Variants in SLC24A2 observed in about 807,000 individuals in gnomAD.
SLC24A2 encodes the protein sodium/potassium/calcium exchanger 2.
A neutral mutation model predicts 62.0 loss-of-function variants in SLC24A2; 36 were observed. That is an observed-to-expected ratio of 0.58 (90% confidence interval 0.44 to 0.77). The LOEUF is 0.77. Ranked by LOEUF, SLC24A2 falls within the 30% of genes least tolerant of loss-of-function variation. The pLI, the probability that SLC24A2 is intolerant of heterozygous loss-of-function variation, is 0.00. For synonymous variants in SLC24A2, 358 were observed against 294.0 expected, an observed-to-expected ratio of 1.22 and a Z score of -2.23; for missense variants, 846 against 817.9, an observed-to-expected ratio of 1.03 and a Z score of -0.42.
At position 19,512,017 on chromosome 9, in the gene SLC24A2, C is replaced by G. The variant is rs1283296324; in HGVS notation, c.*4136G>C. ...AATGCAACTTCCATCTTCTTCAGCT[C>G]TATCTGGCCAGCCACTCTACCAGGT... On this transcript the variant is annotated 3_prime_UTR_variant, in exon 11 of 11. Coordinates refer to ENST00000341998, the MANE Select transcript of SLC24A2 (RefSeq NM_020344.4). 1 of 152,284 alleles carries G rather than the reference C, an allele frequency of 6.6e-6. No individual in the cohort carries two copies. Among genetic ancestry groups the G allele is most frequent in the Non-Finnish European group, 1.5e-5 (1 of 68,106 alleles). The allele number at this position is 152,284 out of a possible 1,614,324, so 9.4% of individuals were successfully genotyped here.
At chr9:19,838,897 A>C in the SLC24A2 span, among the ~76,000 whole-genome samples, 1 of 152,174 alleles carries the variant, frequency 6.6e-6, no homozygotes, top group Admixed American at 6.5e-5. Flanking sequence ...AATGAGATCT[A>C]ATTAAACTAA....
At chr9:20,051,657 C>CTCTTTTTTTTTTTTTTTTTTTTTTTTTT in the SLC24A2 span, among the ~76,000 whole-genome samples, 38 of 73,498 alleles carry the variant, frequency 5.2e-4, 1 homozygote, top group Admixed American at 1.4e-3. Context: ...TTTTCTTTCT[C>CTCTTTTTTTTTTTTTTTTTTTTTTTTTT]TTTTTTTTTT....
At chr9:19,819,446 A>G in the SLC24A2 span, among the ~76,000 whole-genome samples, 1 of 152,142 alleles carries the variant, frequency 6.6e-6, no homozygotes, top group Middle Eastern at 3.2e-3. Flanking sequence ...CACAATCTAT[A>G]CATCTGACAA....
At chr9:19,860,546 T>C in the SLC24A2 span, among the ~76,000 whole-genome samples, 47 of 152,262 alleles carry the variant, frequency 3.1e-4, 1 homozygote, top group Non-Finnish European at 5.0e-4. Context: ...AGATTCTTTC[T>C]GCTTGAGAAA....
In SLC24A2 at chr9:19,558,581, G is replaced by A. The variant is rs147980816; in HGVS notation, c.1348-8313C>T. Among the ~76,000 whole-genome samples, 8 of 152,278 alleles carry A rather than the reference G, an allele frequency of 5.3e-5. No homozygotes were observed. In the East Asian group the frequency reaches 1.5e-3, roughly 29 times the overall value. Reference sequence around the variant, plus strand: ...AAATGGATATCTGGGGGACACTGTAGAAGATGGATTAAGCCCTTTATAACA... The same window carrying A: ...AAATGGATATCTGGGGGACACTGTAAAAGATGGATTAAGCCCTTTATAACA... On this transcript the variant is annotated intron_variant, in intron 7 of 10. Transcript: ENST00000341998.
At chr9:20,087,800 T>G in the SLC24A2 span, among the ~76,000 whole-genome samples, 1 of 151,678 alleles carries the variant, frequency 6.6e-6, no homozygotes, top group African/African-American at 2.4e-5. Flanking sequence ...GTACATGCAC[T>G]GGCATTCATC....
intron 8 of SLC24A2, among the ~76,000 whole-genome samples, chr9:19,529,347 C>CT (rs2132663768): frequency 6.6e-6 from 1 of 152,320 alleles, no homozygotes; most frequent in African/African-American, 2.4e-5. Context: ...ACATGGTAAT[C>CT]TTTTGAATAT....
At chr9:20,288,344 A>G in the SLC24A2 span, among the ~76,000 whole-genome samples, 1 of 152,134 alleles carries the variant, frequency 6.6e-6, no homozygotes, top group Non-Finnish European at 1.5e-5. Context: ...ATAAGGTGGC[A>G]TCAACACTCC....
chr9:19,687,267 C>T (rs578123560), intron 2 of SLC24A2, among the ~76,000 whole-genome samples: 19 of 152,042 alleles, frequency 1.2e-4, no homozygotes, highest in Admixed American at 2.6e-4. Flanking sequence ...ACATGTTCCC[C>T]GAACCTAAAA....
chr9:19,889,922 C>T, the SLC24A2 span, among the ~76,000 whole-genome samples: 1 of 152,198 alleles, frequency 6.6e-6, no homozygotes, highest in East Asian at 1.9e-4. Context: ...TATCTCTTAT[C>T]TTCCTTTCTC....
At position 19,619,573 on chromosome 9, in the gene SLC24A2, T is replaced by C. The variant is rs764782328; in HGVS notation, c.1078+11A>G. 19 of 1,600,518 alleles carry C rather than the reference T, an allele frequency of 1.2e-5. No homozygotes were observed. Among genetic ancestry groups the C allele is most frequent in the East Asian group, 2.2e-5 (1 of 44,822 alleles). On this transcript the variant is annotated intron_variant, in intron 4 of 10. Coordinates refer to ENST00000341998, the MANE Select transcript of SLC24A2 (RefSeq NM_020344.4). ...CCCAAACAAGTTCCCAAACCAAAGC[T>C]TGATGTTTACCTTCGGCGAGTGGGT...
rs980579498 is a variant in SLC24A2 at position 19,614,934 on chromosome 9, A to G, written c.1078+4650T>C. 2.6e-5 allele frequency among the ~76,000 whole-genome samples: 4 copies of G among 152,118 alleles called. 1 individual carries two copies. In the South Asian group the frequency reaches 6.2e-4, roughly 24 times the overall value. ...GCCACATGGAACAGAAAACTCACCC[A>G]GGTAATCCCTGCTCAAATTTCGAAT... On this transcript the variant is annotated intron_variant, in intron 4 of 10. Transcript: ENST00000341998.
intron 2 of SLC24A2, among the ~76,000 whole-genome samples, chr9:19,762,643 C>G (rs1822372007): frequency 6.6e-6 from 1 of 152,024 alleles, no homozygotes; most frequent in Non-Finnish European, 1.5e-5. Context: ...ATTTCTGAGG[C>G]CTCTATTCTG....
intron 7 of SLC24A2, among the ~76,000 whole-genome samples, chr9:19,561,624 T>C (rs1465653914): frequency 2.0e-5 from 3 of 151,816 alleles, no homozygotes; most frequent in Admixed American, 6.6e-5. Context: ...TTAGTAGAGA[T>C]GGGATTTCAC....
At chr9:20,114,627 A>C in the SLC24A2 span, among the ~76,000 whole-genome samples, 14 of 152,172 alleles carry the variant, frequency 9.2e-5, no homozygotes. Context: ...AATAATGTTA[A>C]TTAATTCATT....
the SLC24A2 span, among the ~76,000 whole-genome samples, chr9:20,011,031 C>G: frequency 6.6e-6 from 1 of 152,006 alleles, no homozygotes; most frequent in Non-Finnish European, 1.5e-5. Flanking sequence ...TGGGTTGGTT[C>G]CAGGTCTTTG....
the SLC24A2 span, among the ~76,000 whole-genome samples, chr9:20,077,340 T>G: frequency 6.6e-6 from 1 of 152,208 alleles, no homozygotes; most frequent in South Asian, 2.1e-4. Flanking sequence ...TATGTTAATC[T>G]GCTTCACTAT....
At chr9:20,242,185 C>G in the SLC24A2 span, among the ~76,000 whole-genome samples, 4 of 152,190 alleles carry the variant, frequency 2.6e-5, no homozygotes, top group Non-Finnish European at 5.9e-5. Flanking sequence ...GACTAAAACA[C>G]TCCTTTGCCT....
intron 2 of SLC24A2, among the ~76,000 whole-genome samples, chr9:19,759,909 TG>T (rs1295858531): frequency 1.3e-5 from 2 of 152,194 alleles, no homozygotes; most frequent in African/African-American, 4.8e-5. Context: ...AAAAATAATG[TG>T]GCCTTTTAAA....
Sources: allele counts gnomAD v4.1 joint callset (sites outside exome capture counted in the v4.1 genomes callset), GRCh38; gene constraint gnomAD v4.1.1; transcripts MANE v1.5; gene names NCBI Gene and HGNC (gene_info 2026-07-23, HGNC 2026-07-21).